Variants in PI4KA observed in about 807,000 individuals in gnomAD.
PI4KA encodes phosphatidylinositol 4-kinase alpha, also known as PI4-kinase alpha.
PI4KA carries 122 observed loss-of-function variants against 271.4 expected under a neutral mutation model. The observed-to-expected ratio is 0.45, with a 90% CI of 0.39 to 0.52. The LOEUF (loss-of-function observed/expected upper bound fraction) is 0.52, where lower values mean the gene tolerates loss of function less well. Among genes scored for constraint, PI4KA ranks in the 20% least tolerant of loss-of-function variants. The pLI is 0.00. For missense variants in PI4KA, 1,969 were observed against 2,769.1 expected (o/e 0.71, Z 6.48); for synonymous variants, 1,041 against 1,078.8 (o/e 0.96, Z 0.69).
chr22:20,773,423 A>C (rs1243183684), intron 19 of PI4KA, among the ~76,000 whole-genome samples: 1 of 152,138 alleles, frequency 6.6e-6, no homozygotes, highest in Non-Finnish European at 1.5e-5. Flanking sequence ...CCATAAACAC[A>C]AAATGTATCA....
intron 19 of PI4KA, among the ~76,000 whole-genome samples, chr22:20,789,575 C>T (rs569721508): frequency 6.6e-6 from 1 of 152,300 alleles, no homozygotes; most frequent in East Asian, 1.9e-4. Flanking sequence ...GGTGATCTGC[C>T]CACCTTGGCC....
chr22:20,854,692 A>C (rs1927377244), intron 1 of PI4KA, among the ~76,000 whole-genome samples: 1 of 152,200 alleles, frequency 6.6e-6, no homozygotes, highest in Non-Finnish European at 1.5e-5. Context: ...AGCCCCACGC[A>C]GTCCTCCAAT....
chr22:20,823,161 G>A (rs752905905), intron 4 of PI4KA, among the ~76,000 whole-genome samples: 14 of 152,028 alleles, frequency 9.2e-5, no homozygotes, highest in African/African-American at 3.1e-4. Flanking sequence ...TGATCCACCC[G>A]CCTCAGCATC....
chr22:20,710,475 G>A (rs1925108522), intron 52 of PI4KA: 1 of 590,816 alleles, frequency 1.7e-6, no homozygotes, highest in Admixed American at 2.9e-5. Flanking sequence ...ATGGCTGAAG[G>A]CGTGGGCAGG....
At chr22:20,745,251 C>T (rs1188007426) in intron 29 of PI4KA, among the ~76,000 whole-genome samples, 3 of 152,186 alleles carry the variant, frequency 2.0e-5, no homozygotes, top group African/African-American at 4.8e-5. Context: ...ACCCACTCCA[C>T]CCCTCCAGCC....
Position 20,793,189 on chromosome 22 carries a change from TC to T in PI4KA, c.2328+3del. On this transcript the variant is annotated splice_donor_region_variant and intron_variant, in intron 19 of 54. Transcript: ENST00000255882. ...TTTTTATCATTCAATTAATGAATAC[TC>T]ACCACAGCTATTACAGGAATGAGTA... The T allele has an allele frequency of 6.6e-7, 1 of 1,512,578 alleles. No homozygotes were observed. Among genetic ancestry groups the T allele is most frequent in the Non-Finnish European group, 9.2e-7 (1 of 1,087,526 alleles). 93.7% of individuals were successfully genotyped at this position (1,512,578 alleles called of 1,614,324 possible).
chr22:20,770,842 C>G (rs1265522111), intron 19 of PI4KA, among the ~76,000 whole-genome samples: 1 of 152,072 alleles, frequency 6.6e-6, no homozygotes, highest in East Asian at 1.9e-4. Flanking sequence ...TAGGCATGAG[C>G]CACCGTGCCT....
In PI4KA at chr22:20,820,528, G is replaced by C; in HGVS notation, c.529+11C>G. 1.9e-6 allele frequency: 3 copies of C among 1,574,698 alleles called. No individual in the cohort carries two copies. Among genetic ancestry groups the C allele is most frequent in the Non-Finnish European group, 2.6e-6 (3 of 1,151,538 alleles). ...AAACCATTTTAAGAAAAACCTTAAG[G>C]ATACTCGTACCTTTGTCTTGAATCT... is the stretch of plus-strand genomic sequence containing the variant. On this transcript the variant is annotated intron_variant, in intron 5 of 54. Transcript: ENST00000255882.
In PI4KA at chr22:20,765,141, G is replaced by A. The variant is rs1246468909; in HGVS notation, c.2533C>T (p.Leu845Phe). 1.2e-6 allele frequency: 2 copies of A among 1,613,808 alleles called. No individual in the cohort carries two copies. Among genetic ancestry groups the A allele is most frequent in the Non-Finnish European group, 8.5e-7 (1 of 1,179,892 alleles). The change falls in exon 21 of 55, where the codon CTC (leucine) becomes TTC (phenylalanine). Residue 845 changes from leucine (L) to phenylalanine (F), a missense_variant. Physicochemically the swap from Leu to Phe is conservative, Grantham distance 22. Around this residue, in one of 13 missense-constraint regions of PI4KA, gnomAD observed 368 missense variants for 544.3 expected, o/e 0.68. Transcript: ENST00000255882. ...FPSKEPLRSVLQYNSAMKNDT... is the reference protein window; with the variant it reads ...FPSKEPLRSVFQYNSAMKNDT... ...TTCTTCATGGCTGAGTTATACTGGA[G>A]GACGGACCGCAGTGGCTCCTTGCTG...
At position 20,832,361 on chromosome 22, in the gene PI4KA, T is replaced by C. The variant is rs534632588; in HGVS notation, c.367+2201A>G. Among the ~76,000 whole-genome samples the C allele has an allele frequency of 3.3e-5, 5 of 152,098 alleles. No homozygotes were observed. The South Asian group carries it at 1.0e-3, about 32-fold the overall frequency. ...TGAACTCCTGACCTTGTGATCCACC[T>C]GCCTTGGCCTCCCAAAGTGTTGGGA... On this transcript the variant is annotated intron_variant, in intron 3 of 54. Transcript: ENST00000255882.
intron 44 of PI4KA, 84 bp from the exon 45 acceptor site, chr22:20,717,862 T>C: frequency 4.2e-6 from 4 of 955,952 alleles, no homozygotes; most frequent in African/African-American, 1.6e-5. Flanking sequence ...CCTGCCTGGA[T>C]TGCCCTCTCT....
chr22:20,852,373 C>T (rs962118867), intron 1 of PI4KA, among the ~76,000 whole-genome samples: 3 of 152,130 alleles, frequency 2.0e-5, no homozygotes, highest in Non-Finnish European at 2.9e-5. Flanking sequence ...GGGAAGGCTA[C>T]GTGAAGGCAG....
At chr22:20,783,335 G>A (rs1206368690) in intron 19 of PI4KA, among the ~76,000 whole-genome samples, 1 of 151,874 alleles carries the variant, frequency 6.6e-6, no homozygotes, top group Admixed American at 6.6e-5. Context: ...GGTGGCTCAT[G>A]CCTATAATCC....
intron 3 of PI4KA, among the ~76,000 whole-genome samples, chr22:20,828,293 T>C (rs1008139540): frequency 1.3e-5 from 2 of 152,190 alleles, no homozygotes; most frequent in Admixed American, 1.3e-4. Context: ...AATCATATAA[T>C]CTATGAAAAG....
intron 1 of PI4KA, among the ~76,000 whole-genome samples, chr22:20,842,241 T>TA (rs982101959): frequency 5.3e-5 from 8 of 149,960 alleles, no homozygotes; most frequent in South Asian, 2.1e-4. Context: ...ATATACATAT[T>TA]AAAAAAAAAT....
chr22:20,810,967 C>T lies in PI4KA; in HGVS notation c.1071G>A (p.Glu357=). The T allele has an allele frequency of 1.2e-6, 2 of 1,609,768 alleles. No individual in the cohort carries two copies. The highest frequency in any genetic ancestry group is 1.7e-6 in the Non-Finnish European group (2 of 1,176,082). ...SLDAIVASVM[E]ANPSADLYYT... is the part of the protein sequence containing the mutation. ...GGTAATGCCCTCAGAAGCGACATAC[C>T]TCCATCACACTGGCTACAATGGCAT... is the stretch of plus-strand genomic sequence containing the variant. Residue 357 remains glutamate, a splice_region_variant and synonymous_variant, in exon 9 of 55, where the codon GAG becomes GAA. Transcript: ENST00000255882.
At position 20,776,091 on chromosome 22, in the gene PI4KA, G is replaced by T. The variant is rs577940426; in HGVS notation, c.2329-10398C>A. On this transcript the variant is annotated intron_variant, in intron 19 of 54. Coordinates refer to ENST00000255882, the MANE Select transcript of PI4KA (RefSeq NM_058004.4). ...AATTCCAGCACTTTGGGAGGCCAAG[G>T]CAGGAGAATTGCCTGAGCTCAGGAG... is the stretch of plus-strand genomic sequence containing the variant. Among the ~76,000 whole-genome samples, 218 of 152,260 alleles carry T rather than the reference G, an allele frequency of 1.4e-3. 2 individuals are homozygous for T. The highest frequency in any genetic ancestry group is 6.3e-4 in the Non-Finnish European group (43 of 68,018).
At chr22:20,775,054 C>T (rs1933155463) in intron 19 of PI4KA, among the ~76,000 whole-genome samples, 1 of 152,100 alleles carries the variant, frequency 6.6e-6, no homozygotes, top group African/African-American at 2.4e-5. Context: ...TACTTCTCTC[C>T]CATTCTGCCT....
At chr22:20,717,600 G>A (rs1181947569) in intron 45 of PI4KA, 108 bp downstream of exon 45, 2 of 984,104 alleles carry the variant, frequency 2.0e-6, no homozygotes, top group Admixed American at 2.0e-5. Context: ...GGCTGGCCAA[G>A]CCACTGTGTC....
Sources: allele counts gnomAD v4.1 joint callset (sites outside exome capture counted in the v4.1 genomes callset), GRCh38; gene constraint gnomAD v4.1.1; regional missense constraint gnomAD v4.1.1; transcripts MANE v1.5; gene names NCBI Gene and HGNC (gene_info 2026-07-23, HGNC 2026-07-21).